Variants in ATAD3B observed in about 807,000 individuals in gnomAD.
ATAD3B encodes the protein ATPase family AAA domain containing 3B.
Under a neutral mutation model 70.2 loss-of-function variants are expected in ATAD3B, and 59 were observed. The ratio of observed to expected loss-of-function variants is 0.84; its 90% CI spans 0.68 to 1.04. ATAD3B has a LOEUF of 1.04. Ranked by LOEUF, ATAD3B falls within the 50% of genes least tolerant of loss-of-function variation. The pLI is 0.00. For synonymous variants in ATAD3B, 423 were observed against 388.6 expected (o/e 1.09, Z -1.04); for missense variants, 961 against 913.4 (o/e 1.05, Z -0.67).
downstream of ATAD3B, among the ~76,000 whole-genome samples, chr1:1,501,641 T>G (rs1371720965): frequency 6.6e-6 from 1 of 152,098 alleles, no homozygotes; most frequent in East Asian, 1.9e-4. Flanking sequence ...TGCACCTGCC[T>G]CAGCCTCCCA....
At chr1:1,508,000 C>G in the ATAD3B span, among the ~76,000 whole-genome samples, 7 of 152,318 alleles carry the variant, frequency 4.6e-5, no homozygotes, top group African/African-American at 1.7e-4. Context: ...TTCTGGTGGG[C>G]TCCTGCCAGG....
At chr1:1,488,177 G>A (rs1157821256) in intron 12 of ATAD3B, among the ~76,000 whole-genome samples, 1 of 151,970 alleles carries the variant, frequency 6.6e-6, no homozygotes, top group Non-Finnish European at 1.5e-5. Flanking sequence ...AGTTGGTCAA[G>A]AACTCCTGAT....
At chr1:1,498,512 C>T (rs1280080161), downstream of ATAD3B, among the ~76,000 whole-genome samples, 2 of 148,752 alleles carry the variant, frequency 1.3e-5, no homozygotes, top group African/African-American at 2.5e-5. Flanking sequence ...ATGGCCATGG[C>T]GAGGGGTGGG....
chr1:1,501,865 TTTTTG>T (rs916945624), downstream of ATAD3B, among the ~76,000 whole-genome samples: 16 of 151,482 alleles, frequency 1.1e-4, no homozygotes, highest in Admixed American at 3.3e-4. Flanking sequence ...TTTTTTTTTG[TTTTTG>T]TTTTGTTTTG....
the ATAD3B span, among the ~76,000 whole-genome samples, chr1:1,506,401 GTTTTC>G: frequency 6.6e-6 from 1 of 150,444 alleles, no homozygotes; most frequent in Non-Finnish European, 1.5e-5. Context: ...ATGTTGTCTG[GTTTTC>G]TTTTTTTTTT....
chr1:1,484,077 G>A (rs1640072616), intron 7 of ATAD3B: 1 of 152,138 alleles, frequency 6.6e-6, no homozygotes, highest in African/African-American at 2.4e-5. Flanking sequence ...GCACAAAAGA[G>A]CGAGGCTTTA....
rs1640234824 is a variant in ATAD3B, at chr1:1,486,608, G to A, written c.1154G>A (p.Gly385Glu). The A allele has an allele frequency of 2.5e-6, 4 of 1,611,292 alleles. No individual in the cohort carries two copies. The highest frequency in any genetic ancestry group is 3.4e-6 in the Non-Finnish European group (4 of 1,179,294). ...IMTGGDVAPM[G>E]REGVTAMHKL... is the part of the protein sequence containing the mutation. The stretch of plus-strand genomic sequence containing the variant: ...ACAGGCGGGGACGTGGCCCCCATGG[G>A]GCGGGAAGGCGTGACCGCCATGCAC... Residue 385 changes from glycine to glutamate, a missense_variant, in exon 11 of 16, where the codon GGG becomes GAG. Physicochemically the swap from Gly to Glu is moderately conservative, Grantham distance 98 (BLOSUM62 -2). Coordinates refer to ENST00000673477, the MANE Select transcript of ATAD3B (RefSeq NM_031921.6).
the ATAD3B span, among the ~76,000 whole-genome samples, chr1:1,505,248 C>A: frequency 6.6e-6 from 1 of 152,082 alleles, no homozygotes. Flanking sequence ...GCCTGGCAGC[C>A]GAGGCAGAGA....
chr1:1,488,843 T>A (rs1416274619), intron 12 of ATAD3B, among the ~76,000 whole-genome samples: 2 of 151,970 alleles, frequency 1.3e-5, no homozygotes, highest in African/African-American at 2.4e-5. Context: ...GCTTTTTTTT[T>A]AAATGTATTT....
At chr1:1,503,728 G>C in the ATAD3B span, 1 of 1,590,002 alleles carries the variant, frequency 6.3e-7, no homozygotes, top group Non-Finnish European at 8.6e-7. Flanking sequence ...AGATTGGTAG[G>C]GCTACTGCCG....
At position 1,496,361 on chromosome 1, in the gene ATAD3B, G is replaced by A. The variant is rs916039903; in HGVS notation, c.*544G>A. 11 of 646,396 alleles carry A rather than the reference G, an allele frequency of 1.7e-5. No homozygotes were observed. The highest frequency in any genetic ancestry group is 1.9e-5 in the Non-Finnish European group (10 of 519,878). 40.0% of individuals were successfully genotyped at this position (646,396 alleles called of 1,614,324 possible). A position where few individuals can be genotyped will look rare whatever the true frequency, so the allele number is the denominator to read the frequency against. ...TTCACATCAGCCTCGCGCCACATCC[G>A]AGTTGGGGTCTGAATGCTGCCCGGG... On this transcript the variant is annotated 3_prime_UTR_variant, in exon 16 of 16. Transcript: ENST00000673477.
downstream of ATAD3B, among the ~76,000 whole-genome samples, chr1:1,498,220 T>C (rs1156426609): frequency 6.6e-6 from 1 of 151,870 alleles, no homozygotes; most frequent in Non-Finnish European, 1.5e-5. Context: ...GGAAAATCAC[T>C]TGAACCCAGG....
At position 1,490,278 on chromosome 1, in the gene ATAD3B, C is replaced by CA. The variant is rs1557813878; in HGVS notation, c.1361dup (p.Asn454LysfsTer4). On this transcript the variant is annotated frameshift_variant, in exon 14 of 16. Coordinates refer to ENST00000673477, the MANE Select transcript of ATAD3B (RefSeq NM_031921.6). LOFTEE classifies it high-confidence loss of function. ...ACAGATTCATGCTGGTCCTGGCCAG[C>CA]AATCTGCCTGAGCAGTTCGACTGTG... 1 of 1,612,804 alleles carries CA rather than the reference C, an allele frequency of 6.2e-7. No homozygotes were observed. The highest frequency in any genetic ancestry group is 1.3e-5 in the African/African-American group (1 of 74,938).
At chr1:1,501,748 C>G (rs895468267), downstream of ATAD3B, among the ~76,000 whole-genome samples, 1 of 152,150 alleles carries the variant, frequency 6.6e-6, no homozygotes, top group Non-Finnish European at 1.5e-5. Context: ...CTTGAATCAC[C>G]TGGAAGTAAC....
chr1:1,474,188 CTTTTCTTTTTTTCT>C (rs1639475430), intron 1 of ATAD3B, among the ~76,000 whole-genome samples: 1 of 144,698 alleles, frequency 6.9e-6, no homozygotes, highest in South Asian at 2.2e-4. Flanking sequence ...TTTCTTTTTT[CTTTTCTTTTTTTCT>C]TTTTTTTTTT....
the ATAD3B span, among the ~76,000 whole-genome samples, chr1:1,504,022 C>G: frequency 6.6e-6 from 1 of 152,144 alleles, no homozygotes; most frequent in South Asian, 2.1e-4. Flanking sequence ...GAATCTTGCT[C>G]TGTTGCCCGG....
chr1:1,484,902 G>A (rs1462335816), intron 7 of ATAD3B, 114 bp from the exon 8 acceptor site: 8 of 1,455,614 alleles, frequency 5.5e-6, no homozygotes, highest in South Asian at 1.4e-5. Flanking sequence ...GCCAGCACAC[G>A]GCCCTGTGCT....
chr1:1,492,267 A>G (rs1226522784), intron 15 of ATAD3B, among the ~76,000 whole-genome samples: 3 of 151,890 alleles, frequency 2.0e-5, no homozygotes, highest in African/African-American at 2.4e-5. Flanking sequence ...AGAGAAGATC[A>G]CTTGAGGTCA....
intron 11 of ATAD3B, among the ~76,000 whole-genome samples, chr1:1,487,405 G>A (rs1259534376): frequency 3.3e-5 from 5 of 151,312 alleles, no homozygotes; most frequent in African/African-American, 9.7e-5. Context: ...GGAGAATGGC[G>A]TGAACCCGGG....
Sources: allele counts gnomAD v4.1 joint callset (sites outside exome capture counted in the v4.1 genomes callset), GRCh38; gene constraint gnomAD v4.1.1; transcripts MANE v1.5; gene names NCBI Gene and HGNC (gene_info 2026-07-23, HGNC 2026-07-21).